The following ZNF704 variants were observed in gnomAD, a reference collection of about 807,000 sequenced individuals.
ZNF704 encodes the protein zinc finger protein 704, also known as glucocorticoid induced gene 1.
Under a neutral mutation model 44.7 loss-of-function variants are expected in ZNF704, and 10 were observed. The ratio of observed to expected loss-of-function variants is 0.22; its 90% CI spans 0.14 to 0.38. The LOEUF (loss-of-function observed/expected upper bound fraction) is 0.38, where lower values mean the gene tolerates loss of function less well. Ranked by LOEUF, ZNF704 falls within the 10% of genes least tolerant of loss-of-function variation. The pLI, the probability that ZNF704 is intolerant of heterozygous loss-of-function variation, is 1.00. For synonymous variants in ZNF704, 211 were observed against 207.6 expected (o/e 1.02, Z -0.14); for missense variants, 390 against 545.5 (o/e 0.71, Z 2.84).
At chr8:80,879,875 T>G in the ZNF704 span, among the ~76,000 whole-genome samples, 1 of 152,184 alleles carries the variant, frequency 6.6e-6, no homozygotes, top group Non-Finnish European at 1.5e-5. Context: ...GCTTTTTTCA[T>G]GCAAGACCCT....
chr8:80,656,649 G>A (rs934909462), intron 7 of ZNF704, among the ~76,000 whole-genome samples: 1 of 152,144 alleles, frequency 6.6e-6, no homozygotes, highest in African/African-American at 2.4e-5. Flanking sequence ...AAAGTCCAAT[G>A]TTCAGGAAAT....
At chr8:80,684,822 C>T (rs6473242) in intron 4 of ZNF704, among the ~76,000 whole-genome samples, 16,627 of 152,104 alleles carry the variant, frequency 0.11, 3,067 homozygotes, top group African/African-American at 0.38. Context: ...TTGCCTGATA[C>T]GTGCTCAATA....
At chr8:80,840,327 G>A (rs769256932) in intron 1 of ZNF704, among the ~76,000 whole-genome samples, 17 of 152,226 alleles carry the variant, frequency 1.1e-4, no homozygotes, top group East Asian at 3.9e-4. Context: ...GTGTGTGTGC[G>A]CGTGTGTTTT....
intron 2 of ZNF704, among the ~76,000 whole-genome samples, chr8:80,741,255 G>T (rs890384016): frequency 4.6e-5 from 7 of 152,186 alleles, no homozygotes; most frequent in Admixed American, 1.3e-4. Flanking sequence ...AAGCAGAAGC[G>T]GCTTTCCAGG....
chr8:80,763,699 T>C (rs1376316975), intron 2 of ZNF704, among the ~76,000 whole-genome samples: 1 of 152,222 alleles, frequency 6.6e-6, no homozygotes, highest in Admixed American at 6.5e-5. Context: ...CTATGTAAAT[T>C]TCTACAGCAG....
At chr8:80,717,512 G>A (rs889836549) in intron 2 of ZNF704, among the ~76,000 whole-genome samples, 4 of 152,226 alleles carry the variant, frequency 2.6e-5, no homozygotes, top group East Asian at 1.9e-4. Flanking sequence ...TTCCTAGGGC[G>A]TTGTGAGATT....
At chr8:80,669,612 T>A (rs1818248737) in intron 5 of ZNF704, among the ~76,000 whole-genome samples, 1 of 152,252 alleles carries the variant, frequency 6.6e-6, no homozygotes, top group African/African-American at 2.4e-5. Flanking sequence ...TCTAAATGTA[T>A]CCCTTGCTGG....
rs367875256 is a variant in ZNF704, at chr8:80,673,705, GTTTC to G, written c.559-3106_559-3103del. Among the ~76,000 whole-genome samples, 1,017 of 152,326 alleles carry G rather than the reference GTTTC, an allele frequency of 6.7e-3. 12 individuals are homozygous for G. Among genetic ancestry groups the G allele is most frequent in the African/African-American group, 0.023 (958 of 41,576 alleles). On this transcript the variant is annotated intron_variant, in intron 4 of 8. Coordinates refer to ENST00000327835, the MANE Select transcript of ZNF704 (RefSeq NM_001033723.3). ...ACCCCATGCTGAAGATTTTCCATAGGTTTCTGAATTGAAAATGGTACTTGGGAGC... is the reference window on the plus strand; with the variant it reads ...ACCCCATGCTGAAGATTTTCCATAGGTGAATTGAAAATGGTACTTGGGAGC...
At chr8:80,877,262 A>C (rs538464477), upstream of ZNF704, among the ~76,000 whole-genome samples, 97 of 151,874 alleles carry the variant, frequency 6.4e-4, no homozygotes, top group South Asian at 0.01. Flanking sequence ...ATGTCAAAAA[A>C]GAGGTTTCAC....
upstream of ZNF704, among the ~76,000 whole-genome samples, chr8:80,877,404 C>G (rs762734809): frequency 6.6e-6 from 1 of 152,162 alleles, no homozygotes; most frequent in Non-Finnish European, 1.5e-5. Context: ...ATCAAATTAA[C>G]TCATCAGGAA....
intron 1 of ZNF704, among the ~76,000 whole-genome samples, chr8:80,840,749 C>A (rs994460525): frequency 2.0e-5 from 3 of 152,060 alleles, no homozygotes; most frequent in Admixed American, 6.5e-5. Flanking sequence ...ACAACAAAAC[C>A]AAACCAAAAA....
intron 4 of ZNF704, among the ~76,000 whole-genome samples, chr8:80,672,318 G>A (rs1041527870): frequency 5.3e-5 from 8 of 152,312 alleles, no homozygotes; most frequent in South Asian, 2.1e-4. Context: ...CACTGGTGAC[G>A]GGAGTGTGAA....
intron 2 of ZNF704, among the ~76,000 whole-genome samples, chr8:80,715,809 G>A (rs1033473484): frequency 2.6e-5 from 4 of 152,166 alleles, no homozygotes; most frequent in South Asian, 2.1e-4. Context: ...GCTGGGCGCC[G>A]TGGCTCATGC....
chr8:80,865,477 C>T (rs1400022819), intron 1 of ZNF704, among the ~76,000 whole-genome samples: 3 of 152,152 alleles, frequency 2.0e-5, no homozygotes, highest in Non-Finnish European at 4.4e-5. Flanking sequence ...TCCCATCTCA[C>T]TGATGCGCCA....
At chr8:80,823,249 GCAAA>G in intron 1 of ZNF704, among the ~76,000 whole-genome samples, 3 of 152,232 alleles carry the variant, frequency 2.0e-5, no homozygotes, top group Non-Finnish European at 4.4e-5. Context: ...AATGGCCTTA[GCAAA>G]CAGCACACCA....
intron 2 of ZNF704, among the ~76,000 whole-genome samples, chr8:80,700,156 T>C (rs1263902601): frequency 6.6e-6 from 1 of 152,262 alleles, no homozygotes; most frequent in Non-Finnish European, 1.5e-5. Context: ...CATAAAATAC[T>C]TTGGCACATA....
At chr8:80,879,139 A>T (rs1233260615), upstream of ZNF704, among the ~76,000 whole-genome samples, 1 of 152,214 alleles carries the variant, frequency 6.6e-6, no homozygotes, top group Non-Finnish European at 1.5e-5. Flanking sequence ...AAGTTCCATG[A>T]TATAAAATGT....
intron 7 of ZNF704, chr8:80,645,303 C>T: frequency 3.5e-6 from 3 of 849,394 alleles, no homozygotes; most frequent in Non-Finnish European, 3.7e-6. Flanking sequence ...TAGGAGCCAA[C>T]GTGGTCACAG....
chr8:80,728,112 CTT>C (rs1319655964), intron 2 of ZNF704, among the ~76,000 whole-genome samples: 2 of 152,130 alleles, frequency 1.3e-5, no homozygotes, highest in Admixed American at 6.5e-5. Context: ...TTATTTAGCT[CTT>C]GTTTTATGCT....
Sources: gnomAD v4.1 joint callset for allele counts (sites outside exome capture counted in the v4.1 genomes callset) on GRCh38, gnomAD v4.1.1 for gene constraint, MANE v1.5 for transcripts, NCBI Gene and HGNC (gene_info 2026-07-23, HGNC 2026-07-21) for gene names.